The following PXK variants were observed in gnomAD, a reference collection of about 807,000 sequenced individuals.
The protein encoded by PXK is PX domain containing serine/threonine kinase like.
Under a neutral mutation model 84.7 loss-of-function variants are expected in PXK, and 35 were observed. The ratio of observed to expected loss-of-function variants is 0.41; its 90% confidence interval spans 0.32 to 0.55. The LOEUF is 0.55. Ranked by LOEUF, PXK falls within the 20% of genes least tolerant of loss-of-function variation. The pLI is 0.21. For missense variants in PXK, 634 were observed against 699.7 expected (o/e 0.91, Z 1.06); for synonymous variants, 253 against 260.8 (o/e 0.97, Z 0.29).
chr3:58,354,980 A>C (rs1200668641), intron 1 of PXK, among the ~76,000 whole-genome samples: 1 of 152,032 alleles, frequency 6.6e-6, no homozygotes, highest in Admixed American at 6.6e-5. Context: ...TTAGCCAAGC[A>C]TGGTGGTGTG....
At chr3:58,406,906 G>A (rs1414318166) in intron 13 of PXK, among the ~76,000 whole-genome samples, 1 of 152,092 alleles carries the variant, frequency 6.6e-6, no homozygotes, top group Non-Finnish European at 1.5e-5. Context: ...CTATTTTTAA[G>A]GTTGAGTAAT....
At chr3:58,373,438 G>T (rs552231341) in intron 3 of PXK, among the ~76,000 whole-genome samples, 1 of 152,270 alleles carries the variant, frequency 6.6e-6, no homozygotes, top group East Asian at 1.9e-4. Context: ...TGAACTAGAT[G>T]ACTTCTGAGG....
rs1002160326 is a variant in PXK, at chr3:58,400,549, T to C, written c.1181+1172T>C. ...AAGAGGAAACCAAGCCCCTGCCCCG[T>C]GGATGTGACATTCTACTGTTCCACA... is the stretch of plus-strand genomic sequence containing the variant. On this transcript the variant is annotated intron_variant, in intron 12 of 17. Coordinates refer to ENST00000356151, the MANE Select transcript of PXK (RefSeq NM_017771.5). This position sits in a 1 kb window ranked among gnomAD's most constrained non-coding sequence, Gnocchi z 4.0. Among the ~76,000 whole-genome samples the C allele has an allele frequency of 3.3e-5, 5 of 152,146 alleles. No individual in the cohort carries two copies. The highest frequency in any genetic ancestry group is 3.9e-4 in the East Asian group (2 of 5,194).
intron 2 of PXK, 81 bp from the exon 3 acceptor site, chr3:58,369,350 C>G: frequency 8.9e-7 from 1 of 1,129,778 alleles, no homozygotes; most frequent in Non-Finnish European, 1.3e-6. Flanking sequence ...GCCAATATTA[C>G]TAATTCTAAT....
At chr3:58,406,899 T>C (rs2059494421) in intron 13 of PXK, among the ~76,000 whole-genome samples, 1 of 152,242 alleles carries the variant, frequency 6.6e-6, no homozygotes, top group Non-Finnish European at 1.5e-5. Context: ...TTTCCTTCTA[T>C]TTTTAAGGTT....
In PXK at chr3:58,370,950, A is replaced by G. The variant is rs2098360974; in HGVS notation, c.201+1472A>G. Among the ~76,000 whole-genome samples the G allele has an allele frequency of 6.6e-6, 1 of 152,240 alleles. No individual in the cohort carries two copies. The highest frequency in any genetic ancestry group is 6.5e-5 in the Admixed American group (1 of 15,286). ...GAGGGGGAGGTTGCAGTGAGCCAAG[A>G]ATGCACCACGTTGCACTGCATCCTG... On this transcript the variant is annotated intron_variant, in intron 3 of 17. Coordinates refer to ENST00000356151, the MANE Select transcript of PXK (RefSeq NM_017771.5). This position sits in a 1 kb window ranked among gnomAD's most constrained non-coding sequence, Gnocchi z 4.2.
chr3:58,423,497 A>G lies in PXK; in HGVS notation c.1529-1255A>G, dbSNP rs1284844251. The stretch of plus-strand genomic sequence containing the variant: ...TTGAGTAAAAGATGTAAAGAAAGGT[A>G]AGTGATTTTCTATTGTAAGACTTTA... On this transcript the variant is annotated intron_variant, in intron 17 of 17. Coordinates refer to ENST00000356151, the MANE Select transcript of PXK (RefSeq NM_017771.5). 2.6e-6 allele frequency: 4 copies of G among 1,534,602 alleles called. No homozygotes were observed. The East Asian group carries it at 9.8e-5, about 38-fold the overall frequency.
At chr3:58,378,513 TGTGTGTGTGTGTGTGTGTGTG>T (rs1296836715) in intron 3 of PXK, among the ~76,000 whole-genome samples, 1 of 25,254 alleles carries the variant, frequency 4.0e-5, no homozygotes, top group African/African-American at 1.6e-4. Context: ...TTTTTTTTTT[TGTGTGTGTGTGTGTGTGTGTG>T]TGTGTGTGTG....
chr3:58,419,014 A>C (rs1353637040), intron 17 of PXK, among the ~76,000 whole-genome samples: 7 of 152,262 alleles, frequency 4.6e-5, no homozygotes, highest in Admixed American at 6.5e-5. Flanking sequence ...CCAAAGGTAC[A>C]GGGAAAATTG....
intron 3 of PXK, among the ~76,000 whole-genome samples, chr3:58,380,412 G>A (rs1175554663): frequency 6.8e-6 from 1 of 146,152 alleles, no homozygotes. Context: ...CAGCCTGAGT[G>A]ACAAAGCAAG....
chr3:58,391,731 G>C, intron 6 of PXK, 42 bp from the exon 7 acceptor site: 1 of 1,548,648 alleles, frequency 6.5e-7, no homozygotes, highest in African/African-American at 1.4e-5. Flanking sequence ...TTTTCTTTTG[G>C]TGACCAAAAC....
At chr3:58,413,023 G>GT (rs1355412091) in intron 17 of PXK, 60 bp downstream of exon 17, 84 of 1,568,282 alleles carry the variant, frequency 5.4e-5, no homozygotes, top group Admixed American at 2.8e-4. Context: ...GGAGCGGGCT[G>GT]TGCCTCTTCC....
rs117270840 is a variant in PXK at position 58,424,487 on chromosome 3, A to G, written c.1529-265A>G. 1.1e-4 allele frequency among the ~76,000 whole-genome samples: 17 copies of G among 152,326 alleles called. No individual in the cohort carries two copies. In the East Asian group the frequency reaches 2.9e-3, roughly 26 times the overall value. ...CCTCATCTATGCAGAGAATGTCACC[A>G]TATGTGGTTTCATGTAATCTGTAAT... On this transcript the variant is annotated intron_variant, in intron 17 of 17. Coordinates refer to ENST00000356151, the MANE Select transcript of PXK (RefSeq NM_017771.5).
chr3:58,336,072 T>TATATATATATATAG (rs58493068), intron 1 of PXK, among the ~76,000 whole-genome samples: 1 of 30,982 alleles, frequency 3.2e-5, no homozygotes, highest in Non-Finnish European at 5.2e-5. Context: ...TATATATATA[T>TATATATATATATAG]TTTTTTTTTT....
intron 1 of PXK, among the ~76,000 whole-genome samples, chr3:58,336,828 G>T (rs1291089121): frequency 2.6e-5 from 4 of 151,842 alleles, no homozygotes; most frequent in African/African-American, 9.7e-5. Flanking sequence ...TTTGGGGGGT[G>T]GGGGACAGAG....
In PXK at chr3:58,385,990, G is replaced by A. The variant is rs1040469851; in HGVS notation, c.388+3290G>A. 6.6e-6 allele frequency among the ~76,000 whole-genome samples: 1 copy of A among 152,128 alleles called. No homozygotes were observed. Among genetic ancestry groups the A allele is most frequent in the Non-Finnish European group, 1.5e-5 (1 of 68,036 alleles). On this transcript the variant is annotated intron_variant, in intron 4 of 17. Transcript: ENST00000356151. The surrounding 1 kb of genome is among the most constrained non-coding windows in gnomAD (Gnocchi z 5.1). ...TGTCTTGTTGGAGGGGGACTGTGAT[G>A]GCATTCTGCTCCCAGGGGATGGCTA...
chr3:58,380,776 G>A (rs532768517), intron 3 of PXK, among the ~76,000 whole-genome samples: 1 of 152,120 alleles, frequency 6.6e-6, no homozygotes, highest in South Asian at 2.1e-4. Flanking sequence ...GTGACAGAGG[G>A]AGACTCTGTC....
chr3:58,417,751 A>G (rs1287606724), intron 17 of PXK, among the ~76,000 whole-genome samples: 1 of 152,192 alleles, frequency 6.6e-6, no homozygotes, highest in South Asian at 2.1e-4. Flanking sequence ...TTTATACTCT[A>G]TTCATAGAAC....
At chr3:58,423,234 TAA>T (rs1484724951) in intron 17 of PXK, 2 of 980,408 alleles carry the variant, frequency 2.0e-6, no homozygotes, top group Admixed American at 6.1e-5. Context: ...ACTTCAGGTT[TAA>T]AGTCCTTTTT....
Sources: gnomAD v4.1 joint callset for allele counts (sites outside exome capture counted in the v4.1 genomes callset) on GRCh38, gnomAD v4.1.1 for gene constraint, Gnocchi (gnomAD v3.1) non-coding constraint, MANE v1.5 for transcripts, NCBI Gene and HGNC (gene_info 2026-07-23, HGNC 2026-07-21) for gene names.